Variants in MAGI2 observed in about 807,000 individuals in gnomAD.
The protein encoded by MAGI2 is membrane-associated guanylate kinase, WW and PDZ domain-containing protein 2.
In MAGI2, 35 loss-of-function variants were observed where a neutral mutation model predicts 133.3. The ratio of observed to expected loss-of-function variants is 0.26; its 90% CI spans 0.20 to 0.35. The LOEUF is 0.35. Ranked by LOEUF, MAGI2 falls within the 10% of genes least tolerant of loss-of-function variation. The pLI is 1.00. For missense variants in MAGI2, 1,636 were observed against 1,863.4 expected, an observed-to-expected ratio of 0.88 and a Z score of 2.25; for synonymous variants, 729 against 710.6, an observed-to-expected ratio of 1.03 and a Z score of -0.41.
intron 2 of MAGI2, among the ~76,000 whole-genome samples, chr7:78,851,580 C>T (rs919076228): frequency 5.9e-5 from 9 of 152,034 alleles, no homozygotes; most frequent in Non-Finnish European, 1.2e-4. Flanking sequence ...TTTCTATATG[C>T]CCTTGCTTTT....
intron 9 of MAGI2, among the ~76,000 whole-genome samples, chr7:78,303,302 C>A (rs1175434845): frequency 7.1e-6 from 1 of 140,716 alleles, no homozygotes; most frequent in Non-Finnish European, 1.5e-5. Flanking sequence ...TCTCTCGAAC[C>A]TGGGAGGTGA....
chr7:79,028,356 TAC>T lies in MAGI2; in HGVS notation c.302-21152_302-21151del, dbSNP rs200071638. 3.4e-3 allele frequency among the ~76,000 whole-genome samples: 405 copies of T among 119,390 alleles called. 17 individuals carry two copies. In the East Asian group the frequency reaches 0.075, roughly 22 times the overall value. 78.3% of individuals were successfully genotyped at this position (119,390 alleles called of 152,430 possible). A position where few individuals can be genotyped will look rare whatever the true frequency, so the allele number is the denominator to read the frequency against. Reference sequence around the variant, plus strand: ...ATATATACACACACACACACACACATACACACACACACACATGCATACGCATC... The same window carrying T: ...ATATATACACACACACACACACACATACACACACACACATGCATACGCATC... On this transcript the variant is annotated intron_variant, in intron 1 of 21. Coordinates refer to ENST00000354212, the MANE Select transcript of MAGI2 (RefSeq NM_012301.4).
intron 9 of MAGI2, among the ~76,000 whole-genome samples, chr7:78,335,052 A>G (rs1375696405): frequency 1.3e-5 from 2 of 152,242 alleles, no homozygotes; most frequent in African/African-American, 4.8e-5. Flanking sequence ...CATGTTGTCT[A>G]GGGCTGCTTT....
At chr7:78,297,377 G>T (rs906252397) in intron 9 of MAGI2, among the ~76,000 whole-genome samples, 1 of 151,988 alleles carries the variant, frequency 6.6e-6, no homozygotes, top group Non-Finnish European at 1.5e-5. Flanking sequence ...TTACACTGTT[G>T]GTGGGACTGC....
At chr7:78,281,430 C>T (rs1298582395) in intron 9 of MAGI2, among the ~76,000 whole-genome samples, 1 of 151,778 alleles carries the variant, frequency 6.6e-6, no homozygotes, top group African/African-American at 2.4e-5. Flanking sequence ...AGGGACTCTT[C>T]CCCGCTTCAC....
chr7:79,191,402 C>CTTTTTTTTTTTTTTTTTTTT lies in MAGI2; in HGVS notation c.302-184216_302-184197dup, dbSNP rs71095386. Among the ~76,000 whole-genome samples, 18 of 22,332 alleles carry CTTTTTTTTTTTTTTTTTTTT rather than the reference C, an allele frequency of 8.1e-4. 4 individuals are homozygous for CTTTTTTTTTTTTTTTTTTTT. The highest frequency in any genetic ancestry group is 2.1e-3 in the African/African-American group (16 of 7,586). 14.7% of individuals were successfully genotyped at this position (22,332 alleles called of 152,430 possible). ...TCTTTTTTTCTTTTTCTTTTTCTTTCTTTTTTTTTTTTTTTTTTTTTTTTT... is the reference window on the plus strand; with the variant it reads ...TCTTTTTTTCTTTTTCTTTTTCTTTCTTTTTTTTTTTTTTTTTTTTTTTTTTTTTTTTTTTTTTTTTTTTT... On this transcript the variant is annotated intron_variant, in intron 1 of 21. Coordinates refer to ENST00000354212, the MANE Select transcript of MAGI2 (RefSeq NM_012301.4).
intron 2 of MAGI2, among the ~76,000 whole-genome samples, chr7:78,803,762 C>T (rs1788281337): frequency 6.6e-6 from 1 of 152,080 alleles, no homozygotes; most frequent in South Asian, 2.1e-4. Flanking sequence ...AAGAAAATTG[C>T]TACTTTATGT....
At chr7:79,369,408 T>C (rs1563159715) in intron 1 of MAGI2, among the ~76,000 whole-genome samples, 1 of 152,190 alleles carries the variant, frequency 6.6e-6, no homozygotes, top group African/African-American at 2.4e-5. Flanking sequence ...ATTCACTCAA[T>C]GCAGACAGAT....
At chr7:79,178,798 T>G (rs147717286) in intron 1 of MAGI2, among the ~76,000 whole-genome samples, 70 of 152,086 alleles carry the variant, frequency 4.6e-4, no homozygotes, top group Admixed American at 8.5e-4. Flanking sequence ...ACTTTATATC[T>G]AAAAGCATTA....
chr7:78,361,023 C>G (rs546825264), intron 7 of MAGI2, among the ~76,000 whole-genome samples: 2 of 152,224 alleles, frequency 1.3e-5, no homozygotes, highest in African/African-American at 4.8e-5. Flanking sequence ...TCTGTACTAC[C>G]CTGTGTGCTA....
chr7:78,903,170 A>ATTTTTTTTTTTT (rs1797734490), intron 2 of MAGI2, among the ~76,000 whole-genome samples: 1 of 92,918 alleles, frequency 1.1e-5, no homozygotes, highest in Non-Finnish European at 2.2e-5. Context: ...GAGTTCCTGA[A>ATTTTTTTTTTTT]TCTTTTTTTT....
At chr7:78,344,091 G>A in intron 8 of MAGI2, 131 bp from the exon 9 acceptor site, 2 of 697,098 alleles carry the variant, frequency 2.9e-6, no homozygotes, top group Non-Finnish European at 4.7e-6. Context: ...GCAAATGCAA[G>A]CAGGTGGTGA....
At chr7:78,107,298 T>C (rs2150450281) in intron 20 of MAGI2, among the ~76,000 whole-genome samples, 1 of 152,284 alleles carries the variant, frequency 6.6e-6, no homozygotes, top group Admixed American at 6.5e-5. Context: ...TGTAGTTTTA[T>C]TCTTTTTGTT....
intron 1 of MAGI2, among the ~76,000 whole-genome samples, chr7:79,304,438 G>A (rs922173296): frequency 6.6e-6 from 1 of 151,926 alleles, no homozygotes; most frequent in Non-Finnish European, 1.5e-5. Context: ...GGTGATGGGA[G>A]ACGGAAGGTT....
At chr7:78,408,887 A>G (rs907340074) in intron 6 of MAGI2, among the ~76,000 whole-genome samples, 1 of 152,124 alleles carries the variant, frequency 6.6e-6, no homozygotes, top group Non-Finnish European at 1.5e-5. Context: ...AATTACATAC[A>G]TAGTTGTAGC....
At chr7:79,097,095 A>G (rs566295163) in intron 1 of MAGI2, among the ~76,000 whole-genome samples, 56 of 152,318 alleles carry the variant, frequency 3.7e-4, no homozygotes, top group Admixed American at 2.1e-3. Context: ...TATTATTATT[A>G]GCTAATCCTC....
chr7:78,616,580 T>A (rs1373613342), intron 3 of MAGI2: 1 of 151,264 alleles, frequency 6.6e-6, no homozygotes, highest in Non-Finnish European at 1.5e-5. Flanking sequence ...AAGAACTACA[T>A]CCCAGATAAA....
chr7:79,176,318 C>G (rs1826092903), intron 1 of MAGI2, among the ~76,000 whole-genome samples: 1 of 151,918 alleles, frequency 6.6e-6, no homozygotes, highest in African/African-American at 2.4e-5. Flanking sequence ...AAGACCTCAC[C>G]CTCTCAGCCT....
chr7:79,057,738 A>G (rs190957732), intron 1 of MAGI2, among the ~76,000 whole-genome samples: 194 of 152,194 alleles, frequency 1.3e-3, no homozygotes, highest in Non-Finnish European at 1.7e-3. Context: ...ACATCTTTCT[A>G]CCTGGCCTCA....
Sources: gnomAD v4.1 joint callset for allele counts (sites outside exome capture counted in the v4.1 genomes callset) on GRCh38, gnomAD v4.1.1 for gene constraint, MANE v1.5 for transcripts, NCBI Gene and HGNC (gene_info 2026-07-23, HGNC 2026-07-21) for gene names.